Variants in ZPBP observed in about 807,000 individuals in gnomAD.
The protein encoded by ZPBP is zona pellucida binding protein.
Under a neutral mutation model 44.8 loss-of-function variants are expected in ZPBP, and 26 were observed. The observed-to-expected ratio is 0.58, with a 90% CI of 0.43 to 0.81. The LOEUF (loss-of-function observed/expected upper bound fraction) is 0.81. Ranked by LOEUF, ZPBP falls within the 30% of genes least tolerant of loss-of-function variation. The pLI, the probability that ZPBP is intolerant of heterozygous loss-of-function variation, is 0.00. For missense variants in ZPBP, 409 were observed against 434.0 expected, an observed-to-expected ratio of 0.94 and a Z score of 0.51; for synonymous variants, 174 against 153.2, an observed-to-expected ratio of 1.14 and a Z score of -1.00.
rs369938364 is a variant in ZPBP at position 49,983,469 on chromosome 7, G to T, written c.834C>A (p.Gly278=). ...RFFNQQVEIL[G]RRAEQLPQIY... ...TTTGAGGTAATTGTTCTGCACGTCT[G>T]CCAAGAATTTCTACTTGTTGATTAA... The change falls in exon 7 of 8, where the codon GGC becomes GGA. Residue 278 remains glycine, a synonymous_variant. Coordinates refer to ENST00000046087, the MANE Select transcript of ZPBP (RefSeq NM_007009.3). 8 of 1,609,864 alleles carry T rather than the reference G, an allele frequency of 5.0e-6. No individual in the cohort carries two copies. The South Asian group carries it at 7.7e-5, about 16-fold the overall frequency.
chr7:49,876,286 T>C (rs1791412094), intron 2 of ZPBP, among the ~76,000 whole-genome samples: 1 of 152,146 alleles, frequency 6.6e-6, no homozygotes, highest in Admixed American at 6.6e-5. Flanking sequence ...TAGGGAGAAG[T>C]TGTAGTTAGT....
chr7:50,006,668 C>T (rs1273879345), intron 6 of ZPBP, among the ~76,000 whole-genome samples: 6 of 151,824 alleles, frequency 4.0e-5, no homozygotes, highest in Admixed American at 6.6e-5. Flanking sequence ...ACAATTTACA[C>T]CTATATATAG....
chr7:50,026,876 T>C (rs1248615066), intron 5 of ZPBP, among the ~76,000 whole-genome samples: 1 of 152,008 alleles, frequency 6.6e-6, no homozygotes, highest in Non-Finnish European at 1.5e-5. Flanking sequence ...CAAATACTCC[T>C]TCCTGAAAGG....
At chr7:49,932,730 T>A (rs1281590182), downstream of ZPBP, among the ~76,000 whole-genome samples, 4 of 151,940 alleles carry the variant, frequency 2.6e-5, no homozygotes, top group Non-Finnish European at 5.9e-5. Context: ...AACTATATGG[T>A]TTAGCTGTGT....
chr7:50,017,830 T>C (rs1484944369), intron 6 of ZPBP, among the ~76,000 whole-genome samples: 1 of 152,064 alleles, frequency 6.6e-6, no homozygotes, highest in Non-Finnish European at 1.5e-5. Flanking sequence ...TAGCATCATT[T>C]TCACCCTAAG....
intron 1 of ZPBP, among the ~76,000 whole-genome samples, chr7:49,910,208 G>A (rs554888394): frequency 6.6e-6 from 1 of 152,270 alleles, no homozygotes; most frequent in African/African-American, 2.4e-5. Flanking sequence ...ATCCAGAAGC[G>A]GGGGCCCTCC....
chr7:49,951,609 T>C (rs999081507), intron 7 of ZPBP, among the ~76,000 whole-genome samples: 1 of 151,140 alleles, frequency 6.6e-6, no homozygotes, highest in Non-Finnish European at 1.5e-5. Flanking sequence ...GGTACTCTCA[T>C]ACATCACTAA....
intron 6 of ZPBP, among the ~76,000 whole-genome samples, chr7:50,000,142 T>C (rs961429451): frequency 6.6e-6 from 1 of 152,108 alleles, no homozygotes; most frequent in African/African-American, 2.4e-5. Context: ...ATGAAAACTG[T>C]ACAAATAAAA....
In ZPBP at chr7:49,990,955, G is replaced by C. The variant is rs561953093; in HGVS notation, c.784-7436C>G. On this transcript the variant is annotated intron_variant, in intron 6 of 7. Transcript: ENST00000046087. ...TAGGATAGGCAACAGATATCATACA[G>C]GATTATAGTCCAACTAGGGCTCAAA... 5.3e-5 allele frequency among the ~76,000 whole-genome samples: 8 copies of C among 152,188 alleles called. No homozygotes were observed. In the South Asian group the frequency reaches 1.7e-3, roughly 32 times the overall value.
intron 1 of ZPBP, chr7:49,914,739 A>G (rs915929383): frequency 6.6e-6 from 1 of 152,216 alleles, no homozygotes; most frequent in African/African-American, 2.4e-5. Context: ...GAGATTGTCA[A>G]CAACAAACTG....
intron 1 of ZPBP, among the ~76,000 whole-genome samples, chr7:50,090,549 GCA>G (rs1203631673): frequency 6.0e-5 from 9 of 150,562 alleles, no homozygotes; most frequent in Admixed American, 4.0e-4. Flanking sequence ...ATATATGTGT[GCA>G]TATATATGCA....
intron 6 of ZPBP, among the ~76,000 whole-genome samples, chr7:50,010,908 C>CAAAAAAAAAAA (rs71554292): frequency 1.4e-4 from 13 of 92,432 alleles, no homozygotes; most frequent in African/African-American, 1.7e-4. Flanking sequence ...CAAGACCAAG[C>CAAAAAAAAAAA]AAAAAAAAAA....
chr7:49,936,954 A>G (rs1794639028), downstream of ZPBP, among the ~76,000 whole-genome samples: 1 of 152,190 alleles, frequency 6.6e-6, no homozygotes, highest in Non-Finnish European at 1.5e-5. Context: ...CCAAAAAGGT[A>G]ATTTAAGAGA....
intron 6 of ZPBP, among the ~76,000 whole-genome samples, chr7:50,014,164 AC>A (rs1469382636): frequency 7.9e-5 from 12 of 152,110 alleles, no homozygotes; most frequent in Admixed American, 1.3e-4. Flanking sequence ...AAGATTGAAT[AC>A]TATTAAAATG....
intron 6 of ZPBP, among the ~76,000 whole-genome samples, chr7:49,985,690 A>G (rs978252237): frequency 3.3e-5 from 5 of 150,480 alleles, no homozygotes; most frequent in Non-Finnish European, 1.5e-5. Flanking sequence ...GAGAAAACCT[A>G]GTGATAGATG....
chr7:50,030,777 C>T (rs1277114409), intron 5 of ZPBP, among the ~76,000 whole-genome samples: 9 of 152,038 alleles, frequency 5.9e-5, no homozygotes, highest in African/African-American at 9.7e-5. Context: ...GATATTAACC[C>T]GTCTTATAAT....
intron 3 of ZPBP, among the ~76,000 whole-genome samples, chr7:50,068,598 G>A (rs1179816121): frequency 6.6e-6 from 1 of 152,096 alleles, no homozygotes; most frequent in Non-Finnish European, 1.5e-5. Context: ...TCCTTGCAAA[G>A]CCAGCTTCTC....
At chr7:50,052,723 T>C (rs577737714) in intron 4 of ZPBP, among the ~76,000 whole-genome samples, 1 of 152,284 alleles carries the variant, frequency 6.6e-6, no homozygotes, top group East Asian at 1.9e-4. Flanking sequence ...GCATAAGTCA[T>C]TAAACAAACT....
chr7:49,960,594 C>T (rs1795827990), intron 7 of ZPBP, among the ~76,000 whole-genome samples: 1 of 151,992 alleles, frequency 6.6e-6, no homozygotes, highest in South Asian at 2.1e-4. Context: ...AAATACAGCA[C>T]ATATATCAGC....
Sources: gnomAD v4.1 joint callset for allele counts (sites outside exome capture counted in the v4.1 genomes callset) on GRCh38, gnomAD v4.1.1 for gene constraint, MANE v1.5 for transcripts, NCBI Gene and HGNC (gene_info 2026-07-23, HGNC 2026-07-21) for gene names.